IL1RAPL1: variants seen among roughly 807,000 people sequenced by gnomAD.
IL1RAPL1 encodes interleukin-1 receptor accessory protein-like 1.
A neutral mutation model predicts 48.4 loss-of-function variants in IL1RAPL1; 3 were observed. That is an observed-to-expected ratio of 0.06 (90% CI 0.03 to 0.16). The LOEUF (loss-of-function observed/expected upper bound fraction) is 0.16. Among genes scored for constraint, IL1RAPL1 ranks in the 10% least tolerant of loss-of-function variants. The pLI is 1.00. For synonymous variants in IL1RAPL1, 185 were observed against 187.7 expected (o/e 0.99, Z 0.12); for missense variants, 349 against 530.6 (o/e 0.66, Z 3.36).
chrX:28,942,949 G>T (rs1247491693), intron 2 of IL1RAPL1, among the ~76,000 whole-genome samples: 1 of 110,595 alleles, frequency 9.0e-6, no homozygotes, highest in Non-Finnish European at 1.9e-5. Flanking sequence ...CCAAGAATCC[G>T]ATGAGACATT....
intron 6 of IL1RAPL1, among the ~76,000 whole-genome samples, chrX:29,788,549 T>C (rs1408584373): frequency 9.0e-6 from 1 of 111,398 alleles, no homozygotes; most frequent in African/African-American, 3.3e-5. Flanking sequence ...TGTACATATG[T>C]ATGGGGTACA....
At chrX:29,389,429 T>A (rs1017688479) in intron 3 of IL1RAPL1, among the ~76,000 whole-genome samples, 11 of 109,368 alleles carry the variant, frequency 1.0e-4, no homozygotes, top group African/African-American at 3.7e-4. Flanking sequence ...AGAAATTATA[T>A]GTAATGTATG....
chrX:29,836,807 T>C (rs1931017921), intron 6 of IL1RAPL1, among the ~76,000 whole-genome samples: 1 of 111,416 alleles, frequency 9.0e-6, no homozygotes, highest in Admixed American at 9.5e-5. Flanking sequence ...ATTATATTAT[T>C]ACTCCCCGTC....
intron 2 of IL1RAPL1, among the ~76,000 whole-genome samples, chrX:29,122,459 C>A (rs1928814421): frequency 1.2e-5 from 1 of 84,719 alleles, no homozygotes; most frequent in Non-Finnish European, 2.3e-5. Context: ...TCGCCCCCCC[C>A]ACCCCCACCC....
intron 6 of IL1RAPL1, among the ~76,000 whole-genome samples, chrX:29,840,375 C>T (rs1931112441): frequency 9.0e-6 from 1 of 111,704 alleles, no homozygotes; most frequent in Admixed American, 9.5e-5. Context: ...GGCTCCCCTG[C>T]AGCATTTAAA....
chrX:29,348,545 AC>A (rs1423678635), intron 3 of IL1RAPL1, among the ~76,000 whole-genome samples: 2 of 111,890 alleles, frequency 1.8e-5, no homozygotes, highest in African/African-American at 6.5e-5. Context: ...GGTATGAGAG[AC>A]ATTGTGTTAA....
intron 5 of IL1RAPL1, among the ~76,000 whole-genome samples, chrX:29,661,940 G>A (rs1345713485): frequency 9.0e-6 from 1 of 111,069 alleles, no homozygotes; most frequent in Non-Finnish European, 1.9e-5. Context: ...CTGCCTTCCT[G>A]CCTCCATTCT....
At chrX:29,566,555 T>A (rs769091427) in intron 5 of IL1RAPL1, among the ~76,000 whole-genome samples, 1 of 112,132 alleles carries the variant, frequency 8.9e-6, no homozygotes, top group Non-Finnish European at 1.9e-5. Context: ...TACACCAGTG[T>A]AGACGAGGAG....
At chrX:28,926,866 A>C (rs1923756109) in intron 2 of IL1RAPL1, among the ~76,000 whole-genome samples, 1 of 111,068 alleles carries the variant, frequency 9.0e-6, no homozygotes, top group South Asian at 3.8e-4. Flanking sequence ...CTACCAGCTC[A>C]TCTGGATCCA....
chrX:29,085,649 A>G (rs938863165), intron 2 of IL1RAPL1, among the ~76,000 whole-genome samples: 2 of 111,904 alleles, frequency 1.8e-5, no homozygotes, highest in Non-Finnish European at 3.8e-5. Flanking sequence ...GACAGTTTAT[A>G]TCACTCAAAT....
intron 8 of IL1RAPL1, among the ~76,000 whole-genome samples, chrX:29,931,018 T>C (rs1185920771): frequency 9.0e-6 from 1 of 111,726 alleles, no homozygotes; most frequent in Non-Finnish European, 1.9e-5. Flanking sequence ...CAGAGGCCAC[T>C]AAACTATGTG....
chrX:29,306,860 C>CA (rs1168897352), intron 3 of IL1RAPL1, among the ~76,000 whole-genome samples: 1,452 of 28,031 alleles, frequency 0.052, 61 homozygotes, highest in African/African-American at 0.1. Flanking sequence ...GACTCTGTCT[C>CA]AAAAAAAAAA....
At chrX:29,205,992 G>A (rs1042961557) in intron 2 of IL1RAPL1, among the ~76,000 whole-genome samples, 25 of 110,167 alleles carry the variant, frequency 2.3e-4, no homozygotes, top group Non-Finnish European at 4.4e-4. Context: ...ACCCACCTCA[G>A]CCTCCCAAAA....
chrX:29,203,722 A>AATATAGATATATATATATATAT (rs1419764371), intron 2 of IL1RAPL1, among the ~76,000 whole-genome samples: 18 of 78,410 alleles, frequency 2.3e-4, no homozygotes, highest in African/African-American at 9.7e-4. Context: ...TCCGTCTCAA[A>AATATAGATATATATATATATAT]ATATATATAT....
At chrX:29,398,767 A>T (rs1244398878) in intron 4 of IL1RAPL1, among the ~76,000 whole-genome samples, 1 of 112,174 alleles carries the variant, frequency 8.9e-6, no homozygotes. Flanking sequence ...TGATTTCACA[A>T]TAATGAAATG....
At chrX:29,881,927 C>G (rs1932040599) in intron 6 of IL1RAPL1, among the ~76,000 whole-genome samples, 1 of 111,583 alleles carries the variant, frequency 9.0e-6, no homozygotes, top group Non-Finnish European at 1.9e-5. Context: ...GATCCAAGCT[C>G]TGAAATCTTT....
intron 2 of IL1RAPL1, among the ~76,000 whole-genome samples, chrX:28,937,076 T>C (rs1184125470): frequency 9.0e-6 from 1 of 111,561 alleles, no homozygotes; most frequent in Non-Finnish European, 1.9e-5. Flanking sequence ...ATGAAATATA[T>C]TGAAGATTGC....
At chrX:29,009,981 A>G (rs1411378726) in intron 2 of IL1RAPL1, among the ~76,000 whole-genome samples, 1 of 111,810 alleles carries the variant, frequency 8.9e-6, no homozygotes, top group East Asian at 2.8e-4. Flanking sequence ...CTCCTTGGTT[A>G]GATGTATTCT....
chrX:29,109,915 A>G (rs1928527067), intron 2 of IL1RAPL1, among the ~76,000 whole-genome samples: 1 of 111,866 alleles, frequency 8.9e-6, no homozygotes, highest in South Asian at 3.7e-4. Flanking sequence ...AGAGAGTTTT[A>G]CTGGAAGGTC....
Sources: gnomAD v4.1 joint callset for allele counts (sites outside exome capture counted in the v4.1 genomes callset) on GRCh38, gnomAD v4.1.1 for gene constraint, MANE v1.5 for transcripts, NCBI Gene and HGNC (gene_info 2026-07-23, HGNC 2026-07-21) for gene names.